The following METTL16 variants were observed in gnomAD, a reference collection of about 807,000 sequenced individuals.
METTL16 encodes methyltransferase 16, RNA N6-adenosine, also known as RNA N(6)-adenosine-methyltransferase METTL16.
Under a neutral mutation model 57.9 loss-of-function variants are expected in METTL16, and 19 were observed. The ratio of observed to expected loss-of-function variants is 0.33; its 90% CI spans 0.23 to 0.48. The LOEUF is 0.48. METTL16 is among the 20% of genes least tolerant of loss of function. METTL16 has a pLI of 0.99. For synonymous variants in METTL16, 246 were observed against 255.6 expected, an observed-to-expected ratio of 0.96 and a Z score of 0.36; for missense variants, 434 against 691.5, an observed-to-expected ratio of 0.63 and a Z score of 4.18.
At chr17:2,495,096 TCC>T (rs2067433019) in intron 2 of METTL16, among the ~76,000 whole-genome samples, 1 of 150,406 alleles carries the variant, frequency 6.6e-6, no homozygotes, top group East Asian at 1.9e-4. Flanking sequence ...ATGCCTGTAA[TCC>T]CAATACTTTC....
chr17:2,507,472 C>T (rs1025445426), intron 1 of METTL16, among the ~76,000 whole-genome samples: 2 of 150,434 alleles, frequency 1.3e-5, no homozygotes, highest in Admixed American at 6.6e-5. Context: ...AGCCCCTCTG[C>T]CCGGACAGCC....
Position 2,468,900 on chromosome 17 carries a change from G to GT in METTL16, c.470-1025dup, listed in dbSNP as rs80264339. On this transcript the variant is annotated intron_variant, in intron 4 of 9. Transcript: ENST00000263092. ...GAGACCCTGTCTCTAATAAAAAAATGTTTTTTTTTTGTTGTTGTGTGTGTG... is the reference window on the plus strand; with the variant it reads ...GAGACCCTGTCTCTAATAAAAAAATGTTTTTTTTTTTGTTGTTGTGTGTGTG... Among the ~76,000 whole-genome samples the GT allele has an allele frequency of 1.3e-4, 19 of 143,898 alleles. 1 individual carries two copies. Among genetic ancestry groups the GT allele is most frequent in the East Asian group, 2.0e-4 (1 of 5,028 alleles). 94.4% of individuals were successfully genotyped at this position (143,898 alleles called of 152,430 possible).
chr17:2,506,445 C>T (rs2067535515), intron 1 of METTL16, among the ~76,000 whole-genome samples: 1 of 151,914 alleles, frequency 6.6e-6, no homozygotes, highest in Non-Finnish European at 1.5e-5. Context: ...GCCGCCACGC[C>T]TGACTGGTTT....
At chr17:2,484,223 G>T (rs1318377954) in intron 2 of METTL16, among the ~76,000 whole-genome samples, 1 of 152,062 alleles carries the variant, frequency 6.6e-6, no homozygotes, top group Admixed American at 6.6e-5. Flanking sequence ...GAAAATCAGG[G>T]GTTTCAAAAT....
intron 6 of METTL16, among the ~76,000 whole-genome samples, chr17:2,450,326 G>A (rs1038409140): frequency 2.6e-5 from 4 of 152,150 alleles, no homozygotes; most frequent in East Asian, 1.9e-4. Flanking sequence ...ATGCTGCTAC[G>A]TGAAAGAAAG....
chr17:2,491,502 T>C (rs16952167), intron 2 of METTL16, among the ~76,000 whole-genome samples: 5,674 of 152,224 alleles, frequency 0.037, 378 homozygotes, highest in African/African-American at 0.13. Context: ...TTCTAGTCTT[T>C]AGATGGTCAC....
intron 6 of METTL16, among the ~76,000 whole-genome samples, chr17:2,447,340 C>T (rs1278480793): frequency 7.1e-6 from 1 of 140,346 alleles, no homozygotes; most frequent in African/African-American, 3.1e-5. Context: ...AACCCTCTGC[C>T]TGGCAACCGC....
intron 8 of METTL16, among the ~76,000 whole-genome samples, chr17:2,433,363 G>T (rs543715606): frequency 6.6e-6 from 1 of 152,340 alleles, no homozygotes; most frequent in South Asian, 2.1e-4. Flanking sequence ...GGAGCCAAAC[G>T]AGGAGCTGTA....
intron 2 of METTL16, among the ~76,000 whole-genome samples, chr17:2,480,836 C>T (rs1205053076): frequency 6.6e-6 from 1 of 152,106 alleles, no homozygotes; most frequent in Non-Finnish European, 1.5e-5. Flanking sequence ...ATTTGGCAAT[C>T]GCCATGCTAA....
chr17:2,463,623 A>G (rs527390618), intron 6 of METTL16, among the ~76,000 whole-genome samples: 12 of 151,588 alleles, frequency 7.9e-5, no homozygotes, highest in South Asian at 2.1e-4. Context: ...CACCACACCC[A>G]GCTCATTTTT....
chr17:2,463,104 T>C (rs145059352), intron 6 of METTL16, among the ~76,000 whole-genome samples: 11 of 152,306 alleles, frequency 7.2e-5, no homozygotes, highest in African/African-American at 2.6e-4. Flanking sequence ...TGCAACTGGT[T>C]AGTGATCTCA....
intron 1 of METTL16, among the ~76,000 whole-genome samples, chr17:2,505,497 C>T (rs1318005183): frequency 1.3e-5 from 2 of 150,024 alleles, no homozygotes; most frequent in Admixed American, 6.7e-5. Flanking sequence ...AATCCTGCCA[C>T]CTCAGCCTCC....
In METTL16 at chr17:2,487,054, G is replaced by A. The variant is rs554781667; in HGVS notation, c.129-9169C>T. Among the ~76,000 whole-genome samples, 5 of 151,060 alleles carry A rather than the reference G, an allele frequency of 3.3e-5. 1 individual carries two copies. The East Asian group carries it at 9.7e-4, about 29-fold the overall frequency. On this transcript the variant is annotated intron_variant, in intron 2 of 9. Coordinates refer to ENST00000263092, the MANE Select transcript of METTL16 (RefSeq NM_024086.4). Reference sequence around the variant, plus strand: ...CTATATCTAGATAAAGGTAGCAATGGCAGAGATAGGGAAAAGTGAAAGGAA... The same window carrying A: ...CTATATCTAGATAAAGGTAGCAATGACAGAGATAGGGAAAAGTGAAAGGAA...
At chr17:2,495,492 C>T (rs780034523) in intron 2 of METTL16, among the ~76,000 whole-genome samples, 38 of 149,456 alleles carry the variant, frequency 2.5e-4, no homozygotes, top group Admixed American at 2.0e-4. Flanking sequence ...GTCAGGAGTT[C>T]GAGACCAGCC....
chr17:2,477,693 A>G lies in METTL16; in HGVS notation c.321T>C (p.Ile107=). The change falls in exon 3 of 10, where the codon ATT becomes ATC. Residue 107 remains isoleucine, a synonymous_variant. Transcript: ENST00000263092. Reference sequence around the variant, plus strand: ...GAATTTAAAATGATATACCTATGTCAATTCCTCTTCGGAGAGTACTTTTGT... The same window carrying G: ...GAATTTAAAATGATATACCTATGTCGATTCCTCTTCGGAGAGTACTTTTGT... The part of the protein sequence containing the change: ...DSDKSTLRRG[I]DIGTGASCIY... 6.2e-7 allele frequency: 1 copy of G among 1,611,570 alleles called. No homozygotes were observed. Among genetic ancestry groups the G allele is most frequent in the Non-Finnish European group, 8.5e-7 (1 of 1,177,672 alleles).
intron 6 of METTL16, among the ~76,000 whole-genome samples, chr17:2,456,597 C>T (rs2067112394): frequency 6.6e-6 from 1 of 152,082 alleles, no homozygotes; most frequent in South Asian, 2.1e-4. Context: ...GCCTCAGCCT[C>T]ACAAGTAGCT....
intron 6 of METTL16, among the ~76,000 whole-genome samples, chr17:2,458,987 T>C (rs2067130123): frequency 2.0e-5 from 3 of 151,774 alleles, no homozygotes; most frequent in African/African-American, 7.3e-5. Flanking sequence ...TTGTATTATT[T>C]GTAGGGAAGG....
At chr17:2,499,833 A>G (rs528678895) in intron 2 of METTL16, among the ~76,000 whole-genome samples, 3 of 152,056 alleles carry the variant, frequency 2.0e-5, no homozygotes, top group African/African-American at 7.2e-5. Flanking sequence ...GGTTCACTAA[A>G]ACCTCCGCCT....
chr17:2,458,875 C>T (rs756777497), intron 6 of METTL16, among the ~76,000 whole-genome samples: 6 of 151,526 alleles, frequency 4.0e-5, no homozygotes, highest in Non-Finnish European at 5.9e-5. Flanking sequence ...GGTACAATCT[C>T]GGCTTACTGT....
Sources: allele counts gnomAD v4.1 joint callset (sites outside exome capture counted in the v4.1 genomes callset), GRCh38; gene constraint gnomAD v4.1.1; transcripts MANE v1.5; gene names NCBI Gene and HGNC (gene_info 2026-07-23, HGNC 2026-07-21).